Variants in ZMYM6 observed in about 807,000 individuals in gnomAD.
ZMYM6 encodes zinc finger MYM-type protein 6.
A neutral mutation model predicts 134.0 loss-of-function variants in ZMYM6; 90 were observed. The observed-to-expected ratio is 0.67, with a 90% confidence interval of 0.57 to 0.80. The LOEUF is 0.80. Ranked by LOEUF, ZMYM6 falls within the 30% of genes least tolerant of loss-of-function variation. The pLI is 0.00. For missense variants in ZMYM6, 1,362 were observed against 1,533.9 expected, an observed-to-expected ratio of 0.89 and a Z score of 1.87; for synonymous variants, 481 against 524.1, an observed-to-expected ratio of 0.92 and a Z score of 1.12.
chr1:35,015,033 G>T lies in ZMYM6; in HGVS notation c.558C>A (p.Thr186=), dbSNP rs548912569. The change falls in exon 5 of 16, where the codon ACC becomes ACA. Residue 186 remains threonine, a synonymous_variant. Coordinates refer to ENST00000357182, the MANE Select transcript of ZMYM6 (RefSeq NM_007167.4). The part of the protein sequence containing the change: ...LKKKPVVTIY[T]KSISTKCSMC... ...TACTGCACTTAGTTGAAATGCTTTT[G>T]GTATATATGGTAACAACAGGTTTTT... 3.7e-6 allele frequency: 6 copies of T among 1,613,266 alleles called. No individual in the cohort carries two copies. In the Admixed American group the frequency reaches 6.7e-5, roughly 18 times the overall value.
intron 14 of ZMYM6, among the ~76,000 whole-genome samples, chr1:34,993,658 A>G (rs1382111173): frequency 1.3e-5 from 2 of 152,066 alleles, no homozygotes; most frequent in African/African-American, 4.8e-5. Flanking sequence ...TATTCTGCCT[A>G]TCATAATAAA....
At chr1:35,013,180 G>T (rs944207807) in intron 6 of ZMYM6, 3 of 734,596 alleles carry the variant, frequency 4.1e-6, no homozygotes, top group South Asian at 1.2e-4. Context: ...CCCAGGCTAA[G>T]AAATTTATAT....
intron 6 of ZMYM6, chr1:35,013,015 T>C (rs761402947): frequency 2.1e-6 from 2 of 970,308 alleles, no homozygotes; most frequent in East Asian, 1.1e-4. Context: ...ATTTAATGTA[T>C]ATTAATAGAG....
intron 15 of ZMYM6, among the ~76,000 whole-genome samples, chr1:34,990,608 T>C (rs1286482859): frequency 6.6e-6 from 1 of 152,174 alleles, no homozygotes; most frequent in East Asian, 1.9e-4. Flanking sequence ...TAACCCAACA[T>C]TGCTTATAAT....
At chr1:35,025,763 A>G (rs887842992) in intron 2 of ZMYM6, among the ~76,000 whole-genome samples, 3 of 152,204 alleles carry the variant, frequency 2.0e-5, no homozygotes, top group Non-Finnish European at 2.9e-5. Context: ...GGGCTCTTGA[A>G]TCAGACTGCT....
chr1:35,010,627 C>G (rs749972963), intron 9 of ZMYM6, 30 bp from the exon 10 acceptor site: 51 of 1,578,468 alleles, frequency 3.2e-5, no homozygotes, highest in Non-Finnish European at 4.4e-5. Flanking sequence ...CATTAAGAGC[C>G]AACTAAACAG....
At chr1:35,029,932 G>A (rs1378883141) in intron 2 of ZMYM6, among the ~76,000 whole-genome samples, 1 of 152,050 alleles carries the variant, frequency 6.6e-6, no homozygotes, top group Non-Finnish European at 1.5e-5. Context: ...TAACATATAA[G>A]CTCTACAAGG....
chr1:35,012,389 AAT>A, intron 7 of ZMYM6, 40 bp downstream of exon 7: 1 of 1,396,178 alleles, frequency 7.2e-7, no homozygotes, highest in South Asian at 1.7e-5. Context: ...GTTTTTCTTC[AAT>A]AGTTATTAAA....
At chr1:35,003,190 A>C (rs1640910555) in intron 14 of ZMYM6, among the ~76,000 whole-genome samples, 2 of 151,066 alleles carry the variant, frequency 1.3e-5, no homozygotes, top group Admixed American at 6.6e-5. Flanking sequence ...CAAAAAAAAA[A>C]AAAAAAAAAA....
chr1:35,007,362 G>A (rs1248140948), intron 11 of ZMYM6, among the ~76,000 whole-genome samples: 3 of 151,980 alleles, frequency 2.0e-5, no homozygotes, highest in African/African-American at 7.2e-5. Context: ...AGGCCGAGGT[G>A]GGCGGATCAT....
chr1:35,001,316 T>C (rs763264565), intron 14 of ZMYM6, among the ~76,000 whole-genome samples: 21 of 151,850 alleles, frequency 1.4e-4, no homozygotes, highest in Non-Finnish European at 2.9e-4. Context: ...CATTATTTAT[T>C]ATACTTTTTA....
At chr1:34,991,996 C>A in intron 15 of ZMYM6, 2 of 525,926 alleles carry the variant, frequency 3.8e-6, no homozygotes, top group Non-Finnish European at 6.7e-6. Flanking sequence ...CAGGTTAAAT[C>A]ACTAATGCTT....
At chr1:35,019,189 T>A (rs1641259114) in intron 4 of ZMYM6, 164 bp downstream of exon 4, 1 of 994,360 alleles carries the variant, frequency 1.0e-6, no homozygotes, top group Admixed American at 2.9e-5. Context: ...AGTCACTTAT[T>A]TAATGTTGCA....
Position 35,010,805 on chromosome 1 carries a change from GCTGACACT to G in ZMYM6, c.1286_1293del (p.Lys429ThrfsTer3). Reference sequence around the variant, plus strand: ...TTTGTGGCAAATAGATGGTTACAGTGCTGACACTTGAGTTTAACAACTGTATGGGTTAA... The same window carrying G: ...TTTGTGGCAAATAGATGGTTACAGTGTGAGTTTAACAACTGTATGGGTTAA... On this transcript the variant is annotated frameshift_variant, in exon 9 of 16. Coordinates refer to ENST00000357182, the MANE Select transcript of ZMYM6 (RefSeq NM_007167.4). LOFTEE classifies it high-confidence loss of function. 6.3e-7 allele frequency: 1 copy of G among 1,599,674 alleles called. No individual in the cohort carries two copies. Among genetic ancestry groups the G allele is most frequent in the Non-Finnish European group, 8.5e-7 (1 of 1,174,990 alleles).
intron 15 of ZMYM6, 191 bp downstream of exon 15, chr1:34,992,043 G>T: frequency 1.4e-6 from 1 of 726,086 alleles, no homozygotes; most frequent in Non-Finnish European, 2.3e-6. Flanking sequence ...ATAATAGCTT[G>T]TTATGATAGC....
intron 14 of ZMYM6, among the ~76,000 whole-genome samples, chr1:34,995,082 T>G (rs986418796): frequency 7.9e-6 from 1 of 127,234 alleles, no homozygotes; most frequent in Admixed American, 7.4e-5. Flanking sequence ...TATACTTACA[T>G]ACGTATATAT....
intron 15 of ZMYM6, among the ~76,000 whole-genome samples, chr1:34,991,098 A>T (rs1640665157): frequency 6.6e-6 from 1 of 152,186 alleles, no homozygotes; most frequent in South Asian, 2.1e-4. Flanking sequence ...TCCTGACCTC[A>T]GGTGATCCGC....
At chr1:35,011,328 C>T (rs923752302) in intron 8 of ZMYM6, among the ~76,000 whole-genome samples, 3 of 152,086 alleles carry the variant, frequency 2.0e-5, no homozygotes, top group African/African-American at 7.2e-5. Context: ...ACCTGCACTC[C>T]CATCATCAAC....
At chr1:34,989,131 C>T (rs1640622749) in intron 15 of ZMYM6, 196 bp from the exon 16 acceptor site, 3 of 1,372,880 alleles carry the variant, frequency 2.2e-6, no homozygotes, top group South Asian at 1.7e-5. Context: ...TTGCCCAAAG[C>T]TTGATCACTA....
Sources: gnomAD v4.1 joint callset for allele counts (sites outside exome capture counted in the v4.1 genomes callset) on GRCh38, gnomAD v4.1.1 for gene constraint, MANE v1.5 for transcripts, NCBI Gene and HGNC (gene_info 2026-07-23, HGNC 2026-07-21) for gene names.